Variants in GMPR observed in about 807,000 individuals in gnomAD.
GMPR encodes guanosine monophosphate reductase.
In GMPR, 31 loss-of-function variants were observed where a neutral mutation model predicts 38.4. That is an observed-to-expected ratio of 0.81 (90% CI 0.61 to 1.09). GMPR has a LOEUF of 1.09. Ranked by LOEUF, GMPR falls within the 50% of genes least tolerant of loss-of-function variation. The pLI, the probability that GMPR is intolerant of heterozygous loss-of-function variation, is 0.00. For missense variants in GMPR, 468 were observed against 453.7 expected (o/e 1.03, Z -0.29); for synonymous variants, 162 against 173.3 (o/e 0.93, Z 0.51).
At chr6:16,267,056 C>T (rs138811299) in intron 4 of GMPR, among the ~76,000 whole-genome samples, 3,560 of 151,486 alleles carry the variant, frequency 0.024, 57 homozygotes, top group Non-Finnish European at 0.037. Flanking sequence ...GCACGTCGGA[C>T]GTGCCACCTT....
chr6:16,267,245 G>A (rs1428911229), intron 4 of GMPR, among the ~76,000 whole-genome samples: 2 of 151,982 alleles, frequency 1.3e-5, no homozygotes, highest in Non-Finnish European at 2.9e-5. Context: ...AGTGGCGGGC[G>A]CCTGTAGTCC....
At chr6:16,266,299 G>A (rs1000062849) in intron 4 of GMPR, among the ~76,000 whole-genome samples, 1 of 151,922 alleles carries the variant, frequency 6.6e-6, no homozygotes, top group South Asian at 2.1e-4. Flanking sequence ...AGTCAGTGTA[G>A]ACCATGAACC....
intron 6 of GMPR, among the ~76,000 whole-genome samples, chr6:16,279,724 G>T (rs546118620): frequency 6.6e-6 from 1 of 152,342 alleles, no homozygotes; most frequent in South Asian, 2.1e-4. Context: ...CCTGAGAGGG[G>T]CAGGCGTGAG....
intron 4 of GMPR, among the ~76,000 whole-genome samples, chr6:16,267,681 G>A (rs1455428859): frequency 6.6e-6 from 1 of 152,198 alleles, no homozygotes; most frequent in Non-Finnish European, 1.5e-5. Flanking sequence ...CCCACCGGAA[G>A]GAACCAATTC....
At chr6:16,248,676 G>A (rs940972298) in intron 2 of GMPR, among the ~76,000 whole-genome samples, 5 of 152,138 alleles carry the variant, frequency 3.3e-5, no homozygotes, top group East Asian at 1.9e-4. Context: ...CCTACTGAGC[G>A]TTGGGCCAGA....
At chr6:16,247,624 C>T (rs961325140) in intron 2 of GMPR, among the ~76,000 whole-genome samples, 6 of 152,184 alleles carry the variant, frequency 3.9e-5, no homozygotes. Context: ...ATCCGCCTGC[C>T]TTGGCCTACC....
At chr6:16,245,096 A>G (rs776763854) in intron 1 of GMPR, among the ~76,000 whole-genome samples, 5 of 152,222 alleles carry the variant, frequency 3.3e-5, no homozygotes, top group Non-Finnish European at 7.3e-5. Context: ...CAGAGCCATT[A>G]GCCACACACA....
intron 1 of GMPR, among the ~76,000 whole-genome samples, chr6:16,240,230 A>G (rs1758620760): frequency 6.6e-6 from 1 of 152,240 alleles, no homozygotes; most frequent in South Asian, 2.1e-4. Flanking sequence ...GAGAAGGTAA[A>G]ATATTGAACA....
chr6:16,251,941 A>G (rs762944360), intron 3 of GMPR, among the ~76,000 whole-genome samples: 8 of 152,096 alleles, frequency 5.3e-5, no homozygotes, highest in Non-Finnish European at 8.8e-5. Flanking sequence ...GAAGCCACAG[A>G]CAGGTCTCCC....
intron 1 of GMPR, among the ~76,000 whole-genome samples, chr6:16,242,466 A>G (rs1329636989): frequency 1.3e-5 from 2 of 152,104 alleles, no homozygotes; most frequent in East Asian, 3.9e-4. Flanking sequence ...GTCCCAGTCC[A>G]AGATGTTGGC....
At chr6:16,256,454 G>T (rs959988090) in intron 4 of GMPR, among the ~76,000 whole-genome samples, 1 of 146,828 alleles carries the variant, frequency 6.8e-6, no homozygotes, top group Non-Finnish European at 1.5e-5. Context: ...GCTCGAACCC[G>T]GGAGGCAAAG....
At chr6:16,289,200 C>T (rs1198219148) in intron 7 of GMPR, among the ~76,000 whole-genome samples, 2 of 152,182 alleles carry the variant, frequency 1.3e-5, no homozygotes, top group African/African-American at 4.8e-5. Context: ...AGACCCCAAC[C>T]CCACCAGAAG....
chr6:16,290,589 G>A lies in GMPR; in HGVS notation c.825G>A (p.Met275Ile). ...ACGGGATGAGCTCTGACACCGCCATGAACAAGCACGCAGGAGGAGTTGCTG... is the reference window on the plus strand; with the variant it reads ...ACGGGATGAGCTCTGACACCGCCATAAACAAGCACGCAGGAGGAGTTGCTG... Reference protein sequence around the residue: ...LFYGMSSDTAMNKHAGGVAEY... With the variant: ...LFYGMSSDTAINKHAGGVAEY... The change falls in exon 8 of 9, where the codon ATG becomes ATA. Residue 275 changes from methionine (M) to isoleucine (I), a missense_variant. Met to Ile is a conservative substitution (Grantham distance 10, BLOSUM62 1). Coordinates refer to ENST00000259727, the MANE Select transcript of GMPR (RefSeq NM_006877.4). 6.2e-7 allele frequency: 1 copy of A among 1,614,208 alleles called. No individual in the cohort carries two copies. The highest frequency in any genetic ancestry group is 8.5e-7 in the Non-Finnish European group (1 of 1,180,036).
chr6:16,247,297 G>A (rs1243899504), intron 2 of GMPR, among the ~76,000 whole-genome samples: 3 of 151,802 alleles, frequency 2.0e-5, no homozygotes, highest in South Asian at 4.1e-4. Flanking sequence ...TATGCAGTCC[G>A]TGCTGCAGCA....
intron 6 of GMPR, 105 bp downstream of exon 6, chr6:16,278,995 G>C (rs920499546): frequency 1.7e-5 from 12 of 692,108 alleles, no homozygotes; most frequent in Non-Finnish European, 3.0e-5. Context: ...GGAGGGAGCT[G>C]GGCACTGCGG....
At position 16,290,329 on chromosome 6, in the gene GMPR, G is replaced by T. The variant is rs534763476; in HGVS notation, c.698-133G>T. On this transcript the variant is annotated intron_variant, in intron 7 of 8. Transcript: ENST00000259727. The stretch of plus-strand genomic sequence containing the variant: ...TTTCCAGGAGGAGACAGGCGAGAGA[G>T]GTCCAGCCTTTCTCTTGACTATAGC... 26 of 779,882 alleles carry T rather than the reference G, an allele frequency of 3.3e-5. 1 individual carries two copies. In the Admixed American group the frequency reaches 5.3e-4, roughly 16 times the overall value. 48.3% of individuals were successfully genotyped at this position (779,882 alleles called of 1,614,324 possible). A position where few individuals can be genotyped will look rare whatever the true frequency, so the allele number is the denominator to read the frequency against.
intron 3 of GMPR, 151 bp from the exon 4 acceptor site, chr6:16,254,411 G>T: frequency 1.6e-6 from 1 of 628,498 alleles, no homozygotes; most frequent in South Asian, 2.1e-5. Flanking sequence ...CTCTGCTGTT[G>T]CATGTGTCTT....
intron 3 of GMPR, among the ~76,000 whole-genome samples, chr6:16,253,187 G>A (rs533375728): frequency 2.0e-5 from 3 of 152,336 alleles, no homozygotes; most frequent in African/African-American, 7.2e-5. Flanking sequence ...AAGTGTAGTT[G>A]TGAAAGATCA....
In GMPR at chr6:16,265,873, C is replaced by T. The variant is rs141824765; in HGVS notation, c.466-8542C>T. On this transcript the variant is annotated intron_variant, in intron 4 of 8. Coordinates refer to ENST00000259727, the MANE Select transcript of GMPR (RefSeq NM_006877.4). ...CTGCTGCTCGCTCTTTGGGTCCACG[C>T]GACGTTTATGAGCTGTAACACTTAC... Among the ~76,000 whole-genome samples, 21 of 152,300 alleles carry T rather than the reference C, an allele frequency of 1.4e-4. No homozygotes were observed. In the East Asian group the frequency reaches 2.1e-3, roughly 15 times the overall value.
Sources: allele counts gnomAD v4.1 joint callset (sites outside exome capture counted in the v4.1 genomes callset), GRCh38; gene constraint gnomAD v4.1.1; transcripts MANE v1.5; gene names NCBI Gene and HGNC (gene_info 2026-07-23, HGNC 2026-07-21).